ANKRD44: variants seen among roughly 807,000 people sequenced by gnomAD.
ANKRD44 encodes ankyrin repeat domain 44.
ANKRD44 carries 35 observed loss-of-function variants against 116.0 expected under a neutral mutation model. The observed-to-expected ratio is 0.30, with a 90% confidence interval of 0.23 to 0.40. The LOEUF is 0.40. ANKRD44 is among the 10% of genes least tolerant of loss of function. The pLI, the probability that ANKRD44 is intolerant of heterozygous loss-of-function variation, is 1.00. For synonymous variants in ANKRD44, 435 were observed against 461.8 expected (o/e 0.94, Z 0.74); for missense variants, 1,014 against 1,242.6 (o/e 0.82, Z 2.77).
At chr2:197,054,066 C>G (rs1010504012) in intron 16 of ANKRD44, among the ~76,000 whole-genome samples, 7 of 152,262 alleles carry the variant, frequency 4.6e-5, no homozygotes, top group African/African-American at 1.7e-4. Flanking sequence ...AGGTCACAAC[C>G]TGGCCGGTTA....
intron 1 of ANKRD44, among the ~76,000 whole-genome samples, chr2:197,245,037 G>A (rs961706588): frequency 4.6e-5 from 7 of 152,208 alleles, no homozygotes; most frequent in Non-Finnish European, 5.9e-5. Context: ...CACTTTGGGA[G>A]GCCAAGGTGG....
At chr2:197,287,157 T>C (rs2083430068) in intron 1 of ANKRD44, among the ~76,000 whole-genome samples, 1 of 152,144 alleles carries the variant, frequency 6.6e-6, no homozygotes, top group Non-Finnish European at 1.5e-5. Flanking sequence ...GTGGGGATGG[T>C]GACAGTGGGA....
At chr2:197,219,776 C>T (rs568047870) in intron 1 of ANKRD44, among the ~76,000 whole-genome samples, 2 of 151,792 alleles carry the variant, frequency 1.3e-5, no homozygotes, top group East Asian at 3.9e-4. Flanking sequence ...TAGGAGAACG[C>T]ACCAGGATGC....
intron 18 of ANKRD44, among the ~76,000 whole-genome samples, chr2:197,009,859 C>T (rs2076265768): frequency 6.6e-6 from 1 of 152,102 alleles, no homozygotes; most frequent in Admixed American, 6.5e-5. Flanking sequence ...TTTTTTCTTA[C>T]ACTTGGGGTC....
chr2:197,083,347 G>A (rs2077841786), intron 14 of ANKRD44, 22 bp downstream of exon 14: 1 of 1,604,970 alleles, frequency 6.2e-7, no homozygotes, highest in East Asian at 2.2e-5. Context: ...CCCAGAGGAA[G>A]CATGAGCAAG....
At chr2:197,024,180 T>A (rs2076547781) in intron 17 of ANKRD44, among the ~76,000 whole-genome samples, 1 of 152,214 alleles carries the variant, frequency 6.6e-6, no homozygotes, top group South Asian at 2.1e-4. Flanking sequence ...CTCCAAAATT[T>A]CCAGGTCAAT....
intron 1 of ANKRD44, among the ~76,000 whole-genome samples, chr2:197,309,851 C>T (rs1373806240): frequency 6.6e-6 from 1 of 152,214 alleles, no homozygotes; most frequent in Non-Finnish European, 1.5e-5. Flanking sequence ...CAAATAACCC[C>T]ACCTCTCCAA....
At chr2:197,078,336 T>G in intron 16 of ANKRD44, 1 of 313,636 alleles carries the variant, frequency 3.2e-6, no homozygotes, top group Non-Finnish European at 6.2e-6. Flanking sequence ...CGCATACACA[T>G]TTTGTGAGGA....
intron 20 of ANKRD44, 96 bp downstream of exon 20, chr2:197,007,710 A>G: frequency 1.2e-6 from 1 of 813,498 alleles, no homozygotes; most frequent in South Asian, 1.6e-5. Flanking sequence ...TTTGCTAAAA[A>G]TCCAATCAAA....
chr2:197,190,822 C>T (rs538664476), intron 1 of ANKRD44, among the ~76,000 whole-genome samples: 1 of 152,302 alleles, frequency 6.6e-6, no homozygotes, highest in Admixed American at 6.5e-5. Flanking sequence ...GGCTTAGAAG[C>T]AAAGTCCTAC....
chr2:197,236,278 G>T lies in ANKRD44; in HGVS notation c.28-49172C>A, dbSNP rs539594928. On this transcript the variant is annotated intron_variant, in intron 1 of 27. Coordinates refer to ENST00000282272, the MANE Select transcript of ANKRD44 (RefSeq NM_001195144.2). ...AAAACTATCACAAAGCCCCTACTAT[G>T]CCCTAGCTTCTAGTTAGAAGATAGG... is the stretch of plus-strand genomic sequence containing the variant. 1.4e-3 allele frequency among the ~76,000 whole-genome samples: 212 copies of T among 152,158 alleles called. 6 individuals carry two copies. In the South Asian group the frequency reaches 0.043, roughly 31 times the overall value.
chr2:197,001,749 T>C lies in ANKRD44; in HGVS notation c.2435+4A>G, dbSNP rs754361027. 1 of 1,596,768 alleles carries C rather than the reference T, an allele frequency of 6.3e-7. No homozygotes were observed. The highest frequency in any genetic ancestry group is 2.2e-5 in the East Asian group (1 of 44,622). On this transcript the variant is annotated splice_donor_region_variant and intron_variant, in intron 22 of 27. Coordinates refer to ENST00000282272, the MANE Select transcript of ANKRD44 (RefSeq NM_001195144.2). ...CATCATTAACTCTCAGCGTTTCTACTTACATTGCACAGTGCAGTGGAGTAA... is the reference window on the plus strand; with the variant it reads ...CATCATTAACTCTCAGCGTTTCTACCTACATTGCACAGTGCAGTGGAGTAA...
At chr2:197,013,205 C>T (rs2076329608) in intron 18 of ANKRD44, among the ~76,000 whole-genome samples, 1 of 152,074 alleles carries the variant, frequency 6.6e-6, no homozygotes, top group Non-Finnish European at 1.5e-5. Flanking sequence ...GTATTTTGTT[C>T]TATGTAACTT....
chr2:196,990,415 C>T, intron 27 of ANKRD44: 1 of 1,120,104 alleles, frequency 8.9e-7, no homozygotes, highest in Non-Finnish European at 1.1e-6. Flanking sequence ...TTAAATACAT[C>T]TTTTATTCTT....
In ANKRD44 at chr2:197,239,640, CAACT is replaced by C. The variant is rs1380845339; in HGVS notation, c.28-52538_28-52535del. Among the ~76,000 whole-genome samples the C allele has an allele frequency of 2.6e-5, 4 of 152,288 alleles. No individual in the cohort carries two copies. In the South Asian group the frequency reaches 6.2e-4, roughly 24 times the overall value. ...CACAGATTACTCAATGCAAGATAACCAACTGTCACTGAGTTCTGCAACGTGTCTT... is the reference window on the plus strand; with the variant it reads ...CACAGATTACTCAATGCAAGATAACCGTCACTGAGTTCTGCAACGTGTCTT... On this transcript the variant is annotated intron_variant, in intron 1 of 27. Transcript: ENST00000282272.
intron 10 of ANKRD44, among the ~76,000 whole-genome samples, chr2:197,097,924 C>T (rs1363325288): frequency 6.6e-6 from 1 of 152,178 alleles, no homozygotes; most frequent in Non-Finnish European, 1.5e-5. Context: ...CTTTCCACTC[C>T]ACCCACCAAA....
intron 21 of ANKRD44, among the ~76,000 whole-genome samples, chr2:196,981,145 T>C (rs1039392594): frequency 7.2e-5 from 11 of 152,212 alleles, no homozygotes; most frequent in African/African-American, 2.7e-4. Context: ...GGGGCTACAA[T>C]TCAATAATTC....
chr2:196,990,391 C>A, intron 27 of ANKRD44: 1 of 1,062,442 alleles, frequency 9.4e-7, no homozygotes, highest in Non-Finnish European at 1.1e-6. Context: ...TGCATTATCC[C>A]CAAAGAACAG....
At position 197,230,417 on chromosome 2, in the gene ANKRD44, T is replaced by C. The variant is rs553454896; in HGVS notation, c.28-43311A>G. ...TCCCAAAGGGCCAGATGAAAGGAGA[T>C]TCAAACACTCATCCCTTCCAATAAA... is the stretch of plus-strand genomic sequence containing the variant. On this transcript the variant is annotated intron_variant, in intron 1 of 27. Coordinates refer to ENST00000282272, the MANE Select transcript of ANKRD44 (RefSeq NM_001195144.2). Among the ~76,000 whole-genome samples, 7 of 152,004 alleles carry C rather than the reference T, an allele frequency of 4.6e-5. No individual in the cohort carries two copies. In the East Asian group the frequency reaches 9.7e-4, roughly 21 times the overall value.
Sources: allele counts gnomAD v4.1 joint callset (sites outside exome capture counted in the v4.1 genomes callset), GRCh38; gene constraint gnomAD v4.1.1; transcripts MANE v1.5; gene names NCBI Gene and HGNC (gene_info 2026-07-23, HGNC 2026-07-21).